Variants in FSIP1 observed in about 807,000 individuals in gnomAD.
FSIP1 encodes the protein fibrous sheath interacting protein 1, also known as fibrous sheath-interacting protein 1.
Under a neutral mutation model 60.9 loss-of-function variants are expected in FSIP1, and 65 were observed. That is an observed-to-expected ratio of 1.07 (90% confidence interval 0.87 to 1.31). The LOEUF (loss-of-function observed/expected upper bound fraction) is 1.31, where lower values mean the gene tolerates loss of function less well. Ranked by LOEUF, FSIP1 falls within the 40% of genes most tolerant of loss-of-function variation. FSIP1 has a pLI of 0.00. For missense variants in FSIP1, 675 were observed against 665.5 expected (o/e 1.01, Z -0.16); for synonymous variants, 209 against 221.2 (o/e 0.94, Z 0.49).
chr15:39,623,168 T>A (rs1365801961), intron 10 of FSIP1, among the ~76,000 whole-genome samples: 4 of 152,138 alleles, frequency 2.6e-5, no homozygotes, highest in African/African-American at 2.4e-5. Context: ...GTGGATTACC[T>A]CACTCTCATC....
chr15:39,759,472 T>G (rs1566916479), intron 5 of FSIP1, among the ~76,000 whole-genome samples: 2 of 152,204 alleles, frequency 1.3e-5, no homozygotes, highest in Non-Finnish European at 2.9e-5. Flanking sequence ...AGATACAATG[T>G]GGGTAAGAGT....
At chr15:39,629,790 C>T (rs896154677) in intron 10 of FSIP1, among the ~76,000 whole-genome samples, 3 of 152,186 alleles carry the variant, frequency 2.0e-5, no homozygotes, top group Admixed American at 1.3e-4. Flanking sequence ...AGAATCCAAG[C>T]CCCATAGCTG....
At chr15:39,711,654 C>T (rs1275885251) in intron 10 of FSIP1, among the ~76,000 whole-genome samples, 2 of 149,006 alleles carry the variant, frequency 1.3e-5, no homozygotes, top group South Asian at 2.1e-4. Context: ...AGCCTCCTTA[C>T]ACTTCCCTAC....
intron 11 of FSIP1, among the ~76,000 whole-genome samples, chr15:39,603,059 C>T (rs1178342100): frequency 2.6e-5 from 4 of 152,142 alleles, no homozygotes; most frequent in African/African-American, 7.2e-5. Context: ...TCAGTAAAAG[C>T]CAGGGATTCC....
intron 10 of FSIP1, among the ~76,000 whole-genome samples, chr15:39,655,344 A>G (rs1359150259): frequency 1.3e-5 from 2 of 152,198 alleles, no homozygotes; most frequent in African/African-American, 4.8e-5. Flanking sequence ...TTTTATGTGC[A>G]AATGTACTGA....
At chr15:39,632,761 C>T (rs1045332295) in intron 10 of FSIP1, among the ~76,000 whole-genome samples, 72 of 152,072 alleles carry the variant, frequency 4.7e-4, no homozygotes, top group African/African-American at 1.6e-3. Flanking sequence ...CACTGCACTC[C>T]AACCTGGTGA....
chr15:39,728,867 T>A (rs748413820), intron 8 of FSIP1, among the ~76,000 whole-genome samples: 1 of 151,934 alleles, frequency 6.6e-6, no homozygotes, highest in Non-Finnish European at 1.5e-5. Context: ...TCAACAAAGG[T>A]CTAATATCCA....
At chr15:39,640,619 T>C (rs114031713) in intron 10 of FSIP1, among the ~76,000 whole-genome samples, 1,755 of 152,002 alleles carry the variant, frequency 0.012, 42 homozygotes, top group African/African-American at 0.04. Flanking sequence ...CTGAATTAAA[T>C]TTAAAGGAGT....
chr15:39,617,636 A>T (rs1206807326), intron 11 of FSIP1, 99 bp downstream of exon 11: 2 of 1,022,342 alleles, frequency 2.0e-6, no homozygotes, highest in African/African-American at 3.2e-5. Context: ...GTGACTTACA[A>T]ACATACCTTC....
chr15:39,643,922 A>G (rs2140423780), intron 10 of FSIP1, among the ~76,000 whole-genome samples: 1 of 152,334 alleles, frequency 6.6e-6, no homozygotes, highest in African/African-American at 2.4e-5. Flanking sequence ...AAATTCTGCA[A>G]TGCTAAGGAA....
intron 5 of FSIP1, among the ~76,000 whole-genome samples, chr15:39,745,111 A>G (rs1353334260): frequency 9.9e-6 from 1 of 101,512 alleles, no homozygotes; most frequent in Non-Finnish European, 2.0e-5. Flanking sequence ...CCACCCCGCC[A>G]TCCCCAGGCC....
At chr15:39,679,045 A>G (rs1411064388) in intron 10 of FSIP1, among the ~76,000 whole-genome samples, 1 of 125,908 alleles carries the variant, frequency 7.9e-6, no homozygotes, top group Non-Finnish European at 1.8e-5. Flanking sequence ...CCATATACAC[A>G]GGTTCATTCT....
intron 2 of FSIP1, among the ~76,000 whole-genome samples, chr15:39,770,952 G>A (rs1425751574): frequency 2.0e-5 from 3 of 152,238 alleles, no homozygotes; most frequent in Non-Finnish European, 4.4e-5. Flanking sequence ...GGTCTAATAC[G>A]ACAGCCACTT....
intron 3 of FSIP1, among the ~76,000 whole-genome samples, chr15:39,769,639 G>A (rs896914171): frequency 1.3e-5 from 2 of 152,138 alleles, no homozygotes; most frequent in Admixed American, 6.5e-5. Flanking sequence ...TTTCCCCACA[G>A]GATGTTAAGA....
intron 2 of FSIP1, among the ~76,000 whole-genome samples, chr15:39,773,153 G>GA (rs1046016593): frequency 5.3e-5 from 8 of 152,016 alleles, no homozygotes; most frequent in South Asian, 2.1e-4. Context: ...TTTCTGCTGT[G>GA]AAAAAAATCT....
intron 10 of FSIP1, among the ~76,000 whole-genome samples, chr15:39,670,148 T>G (rs748648518): frequency 1.3e-5 from 2 of 152,212 alleles, no homozygotes; most frequent in Non-Finnish European, 2.9e-5. Flanking sequence ...ACAAGTGAAA[T>G]GGTCATTCTA....
At chr15:39,776,571 GATATTTAAATCTTTC>G (rs761907314) in intron 1 of FSIP1, 40 bp from the exon 2 acceptor site, 7 of 1,504,706 alleles carry the variant, frequency 4.7e-6, no homozygotes, top group African/African-American at 1.4e-5. Flanking sequence ...AAGCGACTCG[GATATTTAAATCTTTC>G]ATTAGTTAGT....
rs1002811028 is a variant in FSIP1, at chr15:39,628,401, G to A, written c.1189-10156C>T. 1.8e-4 allele frequency among the ~76,000 whole-genome samples: 28 copies of A among 152,324 alleles called. 1 individual carries two copies. The highest frequency in any genetic ancestry group is 2.2e-4 in the African/African-American group (9 of 41,562). Reference sequence around the variant, plus strand: ...GCCAATGCATGTCCACTGCGAAGACGTAGGAGGCCTGCTTTCATTCTGGAT... The same window carrying A: ...GCCAATGCATGTCCACTGCGAAGACATAGGAGGCCTGCTTTCATTCTGGAT... On this transcript the variant is annotated intron_variant, in intron 10 of 11. Coordinates refer to ENST00000350221, the MANE Select transcript of FSIP1 (RefSeq NM_152597.5).
chr15:39,780,266 G>A (rs901516866), intron 1 of FSIP1, among the ~76,000 whole-genome samples: 1 of 152,226 alleles, frequency 6.6e-6, no homozygotes, highest in Non-Finnish European at 1.5e-5. Flanking sequence ...GCTCACGCCT[G>A]TAATCCCAGC....
Sources: gnomAD v4.1 joint callset for allele counts (sites outside exome capture counted in the v4.1 genomes callset) on GRCh38, gnomAD v4.1.1 for gene constraint, MANE v1.5 for transcripts, NCBI Gene and HGNC (gene_info 2026-07-23, HGNC 2026-07-21) for gene names.